ZNF48: variants seen among roughly 807,000 people sequenced by gnomAD.
ZNF48 encodes the protein zinc finger protein 553.
In ZNF48, 20 loss-of-function variants were observed where a neutral mutation model predicts 40.0. The ratio of observed to expected loss-of-function variants is 0.50; its 90% CI spans 0.35 to 0.73. The LOEUF is 0.73. Among genes scored for constraint, ZNF48 ranks in the 30% least tolerant of loss-of-function variants. The probability of loss-of-function intolerance (pLI) is 0.01; values close to 1 mark genes in which losing one functional copy is unlikely to be tolerated. For synonymous variants in ZNF48, 298 were observed against 329.7 expected, an observed-to-expected ratio of 0.90 and a Z score of 1.04; for missense variants, 726 against 851.9, an observed-to-expected ratio of 0.85 and a Z score of 1.84.
rs2049869991 is a variant in ZNF48 at position 30,382,850 on chromosome 16, G to A, written c.-16+4440G>A. 1.4e-6 allele frequency: 2 copies of A among 1,431,410 alleles called. No individual in the cohort carries two copies. Among genetic ancestry groups the A allele is most frequent in the Non-Finnish European group, 1.9e-6 (2 of 1,051,782 alleles). The allele number at this position is 1,431,410 out of a possible 1,614,324, so 88.7% of individuals were successfully genotyped here. A position where few individuals can be genotyped will look rare whatever the true frequency, so the allele number is the denominator to read the frequency against. On this transcript the variant is annotated intron_variant, in intron 1 of 2. Coordinates refer to the ZNF48 transcript ENST00000528032. The surrounding 1 kb of genome is among the most constrained non-coding windows in gnomAD (Gnocchi z 4.8). ...GGAAGTGGCTCCCTTTGTTAGCAGG[G>A]GAGATGAAGGTTTTGATGAGCTGAT...
rs1002467867 is a variant in ZNF48 at position 30,381,870 on chromosome 16, C to T, written c.-16+3460C>T. ...CGCCCCGGCGCTCAATGGCCAGGGT[C>T]TGTGTCAAGCGAGCTGTGGGATGGG... is the stretch of plus-strand genomic sequence containing the variant. On this transcript the variant is annotated intron_variant, in intron 1 of 2. Coordinates refer to the ZNF48 transcript ENST00000528032. This position sits in a 1 kb window ranked among gnomAD's most constrained non-coding sequence, Gnocchi z 4.3. 2.5e-6 allele frequency: 4 copies of T among 1,614,042 alleles called. No homozygotes were observed. The highest frequency in any genetic ancestry group is 1.7e-5 in the Admixed American group (1 of 60,004).
chr16:30,398,919 G>T lies in ZNF48; in HGVS notation c.1669G>T (p.Asp557Tyr). The change falls in exon 3 of 3, where the codon GAT (aspartate) becomes TAT (tyrosine). Residue 557 changes from aspartate to tyrosine, a missense_variant. Around this residue, in one of 5 missense-constraint regions of ZNF48, gnomAD observed 166 missense variants for 163.6 expected, o/e 1.01. Coordinates refer to ENST00000613509, the MANE Select transcript of ZNF48 (RefSeq NM_001214909.2). This position sits in a 1 kb window ranked among gnomAD's most constrained non-coding sequence, Gnocchi z 6.6. ...FCGKEFPRSS[D>Y]LVKHRRTHTG... ...TGGGAAGGAGTTCCCCCGGAGCTCA[G>T]ATCTGGTCAAACACAGGCGTACACA... The T allele has an allele frequency of 6.2e-7, 1 of 1,613,806 alleles. No individual in the cohort carries two copies. The highest frequency in any genetic ancestry group is 8.5e-7 in the Non-Finnish European group (1 of 1,179,860).
In ZNF48 at chr16:30,385,640, A is replaced by T. The variant is rs557150246; in HGVS notation, c.-16+7230A>T. ...CTCTGTCTCAAAAAAAAGGAAAAAAAACTTTCTGAACTCCTCCCACTCTCA... is the reference window on the plus strand; with the variant it reads ...CTCTGTCTCAAAAAAAAGGAAAAAATACTTTCTGAACTCCTCCCACTCTCA... On this transcript the variant is annotated intron_variant, in intron 1 of 2. Transcript: ENST00000528032. Among the ~76,000 whole-genome samples the T allele has an allele frequency of 9.1e-4, 139 of 152,016 alleles. 1 individual carries two copies. The highest frequency in any genetic ancestry group is 1.6e-3 in the Non-Finnish European group (106 of 68,010).
At chr16:30,393,437 T>A (rs2049956708), upstream of ZNF48, among the ~76,000 whole-genome samples, 1 of 151,712 alleles carries the variant, frequency 6.6e-6, no homozygotes, top group Admixed American at 6.6e-5. Context: ...CAGGCTGGAA[T>A]GCAGTGGCGT....
chr16:30,378,524 T>C, intron 1 of ZNF48: 4 of 1,597,406 alleles, frequency 2.5e-6, no homozygotes, highest in South Asian at 1.1e-5. Flanking sequence ...GGCGCAGCTG[T>C]GCAGGGCGAG....
Position 30,398,854 on chromosome 16 carries a change from A to G in ZNF48, c.1604A>G (p.Gln535Arg). The part of the protein sequence containing the change: ...PMAPRPRVRA[Q>R]PSGPSQPHVC... The stretch of plus-strand genomic sequence containing the variant: ...GCCCCTCGACCCCGAGTTCGGGCCC[A>G]GCCTTCTGGACCCAGCCAGCCCCAC... Residue 535 changes from glutamine to arginine, a missense_variant, in exon 3 of 3, where the codon CAG (glutamine) becomes CGG (arginine). Coordinates refer to ENST00000613509, the MANE Select transcript of ZNF48 (RefSeq NM_001214909.2). The surrounding 1 kb of genome is among the most constrained non-coding windows in gnomAD (Gnocchi z 6.6). 1 of 1,613,922 alleles carries G rather than the reference A, an allele frequency of 6.2e-7. No individual in the cohort carries two copies. Among genetic ancestry groups the G allele is most frequent in the Non-Finnish European group, 8.5e-7 (1 of 1,179,988 alleles).
chr16:30,379,194 G>T (rs759914726), intron 1 of ZNF48: 15 of 1,613,562 alleles, frequency 9.3e-6, no homozygotes, highest in African/African-American at 8.0e-5. Context: ...CTGGAGGGGG[G>T]GCGGCGCGGA....
intron 1 of ZNF48, among the ~76,000 whole-genome samples, chr16:30,389,453 AT>A (rs911062016): frequency 6.6e-5 from 10 of 150,834 alleles, no homozygotes; most frequent in Non-Finnish European, 1.0e-4. Flanking sequence ...CGCGCCTGTA[AT>A]CCCAGCTACT....
intron 1 of ZNF48, among the ~76,000 whole-genome samples, chr16:30,388,147 T>C (rs2049915725): frequency 1.3e-5 from 2 of 151,968 alleles, no homozygotes; most frequent in African/African-American, 4.8e-5. Flanking sequence ...ATTTTTTTTG[T>C]ATTTTTAGTA....
chr16:30,392,945 A>T (rs2049953443), upstream of ZNF48, among the ~76,000 whole-genome samples: 1 of 152,212 alleles, frequency 6.6e-6, no homozygotes, highest in Non-Finnish European at 1.5e-5. Context: ...AGTGATCAAT[A>T]GGTATGTGTT....
In ZNF48 at chr16:30,382,511, G is replaced by A; in HGVS notation, c.-16+4101G>A. On this transcript the variant is annotated intron_variant, in intron 1 of 2. Transcript: ENST00000528032. This position sits in a 1 kb window ranked among gnomAD's most constrained non-coding sequence, Gnocchi z 4.8. Reference sequence around the variant, plus strand: ...GGGGCCGAGATGCCCAGGTTTCTGGGTGTAAGGACTCACCATGACTCCGCC... The same window carrying A: ...GGGGCCGAGATGCCCAGGTTTCTGGATGTAAGGACTCACCATGACTCCGCC... 1 of 1,597,504 alleles carries A rather than the reference G, an allele frequency of 6.3e-7. No homozygotes were observed. Among genetic ancestry groups the A allele is most frequent in the Non-Finnish European group, 8.5e-7 (1 of 1,172,538 alleles).
chr16:30,398,319 A>AGG lies in ZNF48; in HGVS notation c.1070_1071dup (p.Pro358GlyfsTer41). ...ACACCTCCGCACCCACAGTGGCGAG[A>AGG]GGCCCCATGCCTGCCCGGAATGCGA... On this transcript the variant is annotated frameshift_variant, in exon 3 of 3. Transcript: ENST00000613509. LOFTEE classifies it high-confidence loss of function. The surrounding 1 kb of genome is among the most constrained non-coding windows in gnomAD (Gnocchi z 6.6). 6.2e-7 allele frequency: 1 copy of AGG among 1,604,684 alleles called. No homozygotes were observed. The highest frequency in any genetic ancestry group is 8.5e-7 in the Non-Finnish European group (1 of 1,176,280).
chr16:30,379,640 C>CATTT, intron 1 of ZNF48: 1 of 236,252 alleles, frequency 4.2e-6, no homozygotes, highest in Non-Finnish European at 7.5e-6. Context: ...GCCCCTTCCT[C>CATTT]TTTTTTTTTT....
chr16:30,378,323 G>A, exon 1 of ZNF48: 1 of 1,075,558 alleles, frequency 9.3e-7, no homozygotes, highest in Middle Eastern at 2.8e-4. Context: ...TAGCCCGCGC[G>A]AGGGCGGCAC....
At chr16:30,392,818 C>G (rs2049952913), upstream of ZNF48, among the ~76,000 whole-genome samples, 1 of 152,144 alleles carries the variant, frequency 6.6e-6, no homozygotes, top group Non-Finnish European at 1.5e-5. Context: ...AAATTTTGTC[C>G]ATACAGTCAA....
intron 1 of ZNF48, chr16:30,379,332 C>A: frequency 7.1e-7 from 1 of 1,405,444 alleles, no homozygotes; most frequent in Non-Finnish European, 1.0e-6. Context: ...CTCCTAGGAT[C>A]CCCTGGGACC....
At position 30,382,859 on chromosome 16, in the gene ZNF48, G is replaced by A. The variant is rs1219125594; in HGVS notation, c.-16+4449G>A. ...TCCCTTTGTTAGCAGGGGAGATGAA[G>A]GTTTTGATGAGCTGATTAGAAAACA... is the stretch of plus-strand genomic sequence containing the variant. On this transcript the variant is annotated intron_variant, in intron 1 of 2. Coordinates refer to the ZNF48 transcript ENST00000528032. This position sits in a 1 kb window ranked among gnomAD's most constrained non-coding sequence, Gnocchi z 4.8. 4.4e-6 allele frequency: 6 copies of A among 1,355,698 alleles called. No individual in the cohort carries two copies. The highest frequency in any genetic ancestry group is 2.5e-5 in the South Asian group (2 of 80,460). 84.0% of individuals were successfully genotyped at this position (1,355,698 alleles called of 1,614,324 possible).
chr16:30,381,079 C>T lies in ZNF48; in HGVS notation c.-16+2669C>T. On this transcript the variant is annotated intron_variant, in intron 1 of 2. Coordinates refer to the ZNF48 transcript ENST00000528032. The surrounding 1 kb of genome is among the most constrained non-coding windows in gnomAD (Gnocchi z 4.3). The stretch of plus-strand genomic sequence containing the variant: ...AGATCAAAGAAGTCTAAGCTGAAAT[C>T]AGGTTTGGCTTCACATGGGGTCAAA... The T allele has an allele frequency of 1.4e-6, 2 of 1,414,022 alleles. No individual in the cohort carries two copies. Among genetic ancestry groups the T allele is most frequent in the Non-Finnish European group, 2.0e-6 (2 of 997,314 alleles). The allele number at this position is 1,414,022 out of a possible 1,614,324, so 87.6% of individuals were successfully genotyped here. A position where few individuals can be genotyped will look rare whatever the true frequency, so the allele number is the denominator to read the frequency against.
At position 30,381,752 on chromosome 16, in the gene ZNF48, T is replaced by G. The variant is rs1444694337; in HGVS notation, c.-16+3342T>G. 1.9e-6 allele frequency: 3 copies of G among 1,613,840 alleles called. No homozygotes were observed. In the South Asian group the frequency reaches 3.3e-5, roughly 18 times the overall value. ...GGCTGAGCCTCTGTCCCCTTTCCTC[T>G]TCCTCACCAGTCAGAGCAGTCCACT... On this transcript the variant is annotated intron_variant, in intron 1 of 2. Transcript: ENST00000528032. This position sits in a 1 kb window ranked among gnomAD's most constrained non-coding sequence, Gnocchi z 4.3.
Sources: gnomAD v4.1 joint callset for allele counts (sites outside exome capture counted in the v4.1 genomes callset) on GRCh38, gnomAD v4.1.1 for gene constraint, gnomAD v4.1.1 regional missense constraint, Gnocchi (gnomAD v3.1) non-coding constraint, MANE v1.5 for transcripts, NCBI Gene and HGNC (gene_info 2026-07-23, HGNC 2026-07-21) for gene names.